PTPRT: variants seen among roughly 807,000 people sequenced by gnomAD.
PTPRT encodes the protein protein tyrosine phosphatase receptor type T.
In PTPRT, 56 loss-of-function variants were observed where a neutral mutation model predicts 176.8. The ratio of observed to expected loss-of-function variants is 0.32; its 90% CI spans 0.26 to 0.40. PTPRT has a LOEUF of 0.40. Among genes scored for constraint, PTPRT ranks in the 10% least tolerant of loss-of-function variants. The probability of loss-of-function intolerance (pLI) is 1.00; values close to 1 mark genes in which losing one functional copy is unlikely to be tolerated. For synonymous variants in PTPRT, 783 were observed against 739.0 expected (o/e 1.06, Z -0.96); for missense variants, 1,540 against 1,908.2 (o/e 0.81, Z 3.60).
At position 42,074,694 on chromosome 20, in the gene PTPRT, T is replaced by C. The variant is rs1982604614; in HGVS notation, c.*6185A>G. The C allele has an allele frequency of 7.5e-6, 3 of 398,136 alleles. No individual in the cohort carries two copies. Among genetic ancestry groups the C allele is most frequent in the Non-Finnish European group, 1.3e-5 (3 of 225,864 alleles). The allele number at this position is 398,136 out of a possible 1,614,324, so 24.7% of individuals were successfully genotyped here. ...GGGATGCTAGGTTTGGAGGCTACCA[T>C]TGTGAGTGTTGATGCCTCCTTTTAG... is the stretch of plus-strand genomic sequence containing the variant. On this transcript the variant is annotated 3_prime_UTR_variant, in exon 31 of 31. Transcript: ENST00000373187.
intron 7 of PTPRT, among the ~76,000 whole-genome samples, chr20:42,486,822 C>T (rs1295587966): frequency 6.6e-6 from 1 of 152,068 alleles, no homozygotes; most frequent in African/African-American, 2.4e-5. Flanking sequence ...TGCACCAGAG[C>T]CGAGCCAAGC....
rs60561162 is a variant in PTPRT at position 42,585,380 on chromosome 20, A to G, written c.1153+92486T>C. Among the ~76,000 whole-genome samples the G allele has an allele frequency of 6.3e-3, 965 of 152,326 alleles. 12 individuals are homozygous for G. Among genetic ancestry groups the G allele is most frequent in the African/African-American group, 0.022 (925 of 41,564 alleles). On this transcript the variant is annotated intron_variant, in intron 7 of 30. Coordinates refer to ENST00000373187, the MANE Select transcript of PTPRT (RefSeq NM_007050.6). ...TTACTGACTTGAAATAACTCCATGCATATAGAATATTTTACTGTCATCTAG... is the reference window on the plus strand; with the variant it reads ...TTACTGACTTGAAATAACTCCATGCGTATAGAATATTTTACTGTCATCTAG...
intron 7 of PTPRT, among the ~76,000 whole-genome samples, chr20:42,644,483 T>G (rs945578494): frequency 2.0e-5 from 3 of 152,166 alleles, no homozygotes; most frequent in African/African-American, 7.2e-5. Context: ...CCTTCTCTTA[T>G]CAATATGCTC....
At chr20:42,973,561 A>T (rs1982780007) in intron 1 of PTPRT, among the ~76,000 whole-genome samples, 1 of 152,086 alleles carries the variant, frequency 6.6e-6, no homozygotes, top group African/African-American at 2.4e-5. Context: ...TCCAAACTGT[A>T]AACTCTCTGT....
At chr20:42,102,580 C>T (rs938694490) in intron 25 of PTPRT, among the ~76,000 whole-genome samples, 1 of 152,148 alleles carries the variant, frequency 6.6e-6, no homozygotes, top group African/African-American at 2.4e-5. Context: ...ACCTGCCAAC[C>T]AGATGAACTA....
Position 42,199,362 on chromosome 20 carries a change from G to A in PTPRT, c.2369C>T (p.Thr790Ile). The change falls in exon 16 of 31, where the codon ACC becomes ATC. Residue 790 changes from threonine (T) to isoleucine (I), a missense_variant. Thr to Ile is a moderately conservative substitution (Grantham distance 89). This residue lies in a region of PTPRT where 255 missense variants were observed against 250.1 expected (regional missense o/e 1.02). Transcript: ENST00000373187. ...YLKLAKKQKE[T>I]QSGAQREMGP... ...CATCTCCCTCTGGGCTCCACTCTGG[G>A]TCTCCTTCTGCTTCTTGGCCAGCTT... 1 of 1,613,986 alleles carries A rather than the reference G, an allele frequency of 6.2e-7. No homozygotes were observed. Among genetic ancestry groups the A allele is most frequent in the Non-Finnish European group, 8.5e-7 (1 of 1,179,938 alleles).
chr20:42,167,667 A>G (rs1989886778), intron 16 of PTPRT, among the ~76,000 whole-genome samples: 1 of 152,180 alleles, frequency 6.6e-6, no homozygotes. Context: ...TTTGAGGTGA[A>G]GAGGAGGCTG....
chr20:42,620,566 C>G (rs2074173713), intron 7 of PTPRT, among the ~76,000 whole-genome samples: 1 of 151,646 alleles, frequency 6.6e-6, no homozygotes, highest in Non-Finnish European at 1.5e-5. Flanking sequence ...AGTTTGATCT[C>G]AGACTGCTGT....
chr20:42,190,308 T>A (rs1366988808), intron 16 of PTPRT, among the ~76,000 whole-genome samples: 4 of 152,218 alleles, frequency 2.6e-5, no homozygotes, highest in African/African-American at 4.8e-5. Flanking sequence ...CCATCCTGAC[T>A]CTTAGATTGT....
intron 6 of PTPRT, among the ~76,000 whole-genome samples, chr20:42,750,980 G>A (rs1232656210): frequency 1.3e-5 from 2 of 152,176 alleles, no homozygotes; most frequent in Non-Finnish European, 2.9e-5. Flanking sequence ...CCAGAATTAA[G>A]TAATTCCAAT....
At chr20:42,263,474 G>A (rs758658452) in intron 13 of PTPRT, among the ~76,000 whole-genome samples, 1 of 138,658 alleles carries the variant, frequency 7.2e-6, no homozygotes, top group Non-Finnish European at 1.5e-5. Flanking sequence ...TCCACCTCCC[G>A]GCTTCAAGTG....
chr20:42,859,755 T>G (rs944679771), intron 2 of PTPRT, among the ~76,000 whole-genome samples: 3 of 151,554 alleles, frequency 2.0e-5, no homozygotes, highest in Non-Finnish European at 4.4e-5. Flanking sequence ...GGCTAATTTT[T>G]TTTTTTTTGT....
At chr20:43,163,239 G>A (rs765961191) in intron 1 of PTPRT, among the ~76,000 whole-genome samples, 2 of 152,138 alleles carry the variant, frequency 1.3e-5, no homozygotes, top group African/African-American at 2.4e-5. Flanking sequence ...TTGACAGTCC[G>A]TTCTATAACA....
rs150591219 is a variant in PTPRT, at chr20:42,676,281, C to T, written c.1153+1585G>A. 3.6e-3 allele frequency among the ~76,000 whole-genome samples: 551 copies of T among 152,270 alleles called. 1 individual carries two copies. The highest frequency in any genetic ancestry group is 6.8e-3 in the Middle Eastern group (2 of 294). ...GGAAGTATGAATATGGCCCCTAGCC[C>T]CATTTTTTCCATAATCCCTGTGGTT... On this transcript the variant is annotated intron_variant, in intron 7 of 30. Coordinates refer to ENST00000373187, the MANE Select transcript of PTPRT (RefSeq NM_007050.6).
chr20:42,063,270 C>T, the PTPRT span, among the ~76,000 whole-genome samples: 4 of 152,190 alleles, frequency 2.6e-5, no homozygotes, highest in African/African-American at 9.7e-5. Context: ...TCCGAAGGCA[C>T]CCACAGTCTG....
intron 1 of PTPRT, among the ~76,000 whole-genome samples, chr20:43,025,970 C>T (rs1191602622): frequency 6.6e-6 from 1 of 152,112 alleles, no homozygotes; most frequent in Non-Finnish European, 1.5e-5. Context: ...GAGGAGGCAT[C>T]ATTCACTTGG....
intron 2 of PTPRT, among the ~76,000 whole-genome samples, chr20:42,884,312 C>T (rs1013318253): frequency 1.3e-5 from 2 of 152,160 alleles, no homozygotes; most frequent in African/African-American, 4.8e-5. Flanking sequence ...TGTATCAACA[C>T]TTTTGAGAAA....
intron 7 of PTPRT, among the ~76,000 whole-genome samples, chr20:42,636,005 C>T (rs896969560): frequency 6.6e-6 from 1 of 152,102 alleles, no homozygotes; most frequent in African/African-American, 2.4e-5. Context: ...AGGAAAGTCA[C>T]CGAGTTAATG....
At chr20:42,461,618 T>C (rs1270807182) in intron 8 of PTPRT, among the ~76,000 whole-genome samples, 6 of 152,086 alleles carry the variant, frequency 3.9e-5, no homozygotes, top group Non-Finnish European at 7.4e-5. Context: ...GTACAAAAAG[T>C]GTTTTAAGGA....
Sources: gnomAD v4.1 joint callset for allele counts (sites outside exome capture counted in the v4.1 genomes callset) on GRCh38, gnomAD v4.1.1 for gene constraint, gnomAD v4.1.1 regional missense constraint, MANE v1.5 for transcripts, NCBI Gene and HGNC (gene_info 2026-07-23, HGNC 2026-07-21) for gene names.